The following PTPRK variants were observed in gnomAD, a reference collection of about 807,000 sequenced individuals.
The protein encoded by PTPRK is protein tyrosine phosphatase receptor type K.
In PTPRK, 75 loss-of-function variants were observed where a neutral mutation model predicts 178.0. That is an observed-to-expected ratio of 0.42 (90% CI 0.35 to 0.51). The LOEUF is 0.51. Ranked by LOEUF, PTPRK falls within the 20% of genes least tolerant of loss-of-function variation. The pLI, the probability that PTPRK is intolerant of heterozygous loss-of-function variation, is 0.02. For missense variants in PTPRK, 1,441 were observed against 1,797.8 expected, an observed-to-expected ratio of 0.80 and a Z score of 3.59; for synonymous variants, 637 against 620.6, an observed-to-expected ratio of 1.03 and a Z score of -0.39.
chr6:128,434,428 C>G (rs1202255716), intron 1 of PTPRK, among the ~76,000 whole-genome samples: 1 of 152,084 alleles, frequency 6.6e-6, no homozygotes, highest in African/African-American at 2.4e-5. Flanking sequence ...ATACACAACA[C>G]CCGGGGCAAT....
At chr6:128,489,403 C>A (rs917040943) in intron 1 of PTPRK, among the ~76,000 whole-genome samples, 3 of 152,110 alleles carry the variant, frequency 2.0e-5, no homozygotes, top group Non-Finnish European at 4.4e-5. Flanking sequence ...TGGTAAGAGT[C>A]CTGCACACAG....
chr6:128,329,771 C>A (rs532674448), intron 2 of PTPRK, among the ~76,000 whole-genome samples: 2 of 146,302 alleles, frequency 1.4e-5, no homozygotes, highest in South Asian at 2.2e-4. Flanking sequence ...TTAATCACAT[C>A]CAGAAACATA....
chr6:128,072,442 T>C (rs1295424823), intron 11 of PTPRK, among the ~76,000 whole-genome samples: 3 of 151,970 alleles, frequency 2.0e-5, no homozygotes, highest in African/African-American at 7.2e-5. Flanking sequence ...TAGCTTATAG[T>C]TGGCAAAATC....
rs1020471532 is a variant in PTPRK, at chr6:128,479,215, C to G, written c.100+41044G>C. Reference sequence around the variant, plus strand: ...CTTTACTTCCCCAGCATCAATAAAACTGTATGATTCTGGTGCAAAGTTATT... The same window carrying G: ...CTTTACTTCCCCAGCATCAATAAAAGTGTATGATTCTGGTGCAAAGTTATT... On this transcript the variant is annotated intron_variant, in intron 1 of 29. Coordinates refer to ENST00000368226, the MANE Select transcript of PTPRK (RefSeq NM_002844.4). Among the ~76,000 whole-genome samples the G allele has an allele frequency of 2.0e-5, 3 of 152,182 alleles. 1 individual carries two copies. Among genetic ancestry groups the G allele is most frequent in the East Asian group, 1.9e-4 (1 of 5,182 alleles).
chr6:128,218,785 T>G (rs151155727), intron 6 of PTPRK, 137 bp downstream of exon 6: 1 of 823,996 alleles, frequency 1.2e-6, no homozygotes, highest in African/African-American at 1.7e-5. Context: ...TTCTGAGAAA[T>G]TGTATGATGA....
chr6:128,321,031 C>T (rs1363919953), intron 3 of PTPRK: 2 of 152,122 alleles, frequency 1.3e-5, no homozygotes, highest in African/African-American at 4.8e-5. Context: ...GAAAACTCAA[C>T]TCAAGACAAA....
chr6:128,201,412 G>C (rs1273183776), intron 6 of PTPRK, among the ~76,000 whole-genome samples: 1 of 152,238 alleles, frequency 6.6e-6, no homozygotes, highest in Admixed American at 6.5e-5. Context: ...ATGCACATGT[G>C]AGTGTGCATG....
At chr6:128,266,479 T>C (rs547798098) in intron 3 of PTPRK, among the ~76,000 whole-genome samples, 1 of 152,196 alleles carries the variant, frequency 6.6e-6, no homozygotes, top group East Asian at 1.9e-4. Context: ...TTACGTGCAA[T>C]TTGCTAAGAA....
intron 6 of PTPRK, among the ~76,000 whole-genome samples, chr6:128,191,141 G>A (rs1248960378): frequency 6.6e-6 from 1 of 151,898 alleles, no homozygotes; most frequent in African/African-American, 2.4e-5. Context: ...GATAAAAGGG[G>A]AAAAAAGAAT....
At chr6:128,187,263 C>T (rs779052360) in intron 6 of PTPRK, among the ~76,000 whole-genome samples, 1 of 151,728 alleles carries the variant, frequency 6.6e-6, no homozygotes, top group Non-Finnish European at 1.5e-5. Flanking sequence ...ACATAAGAAA[C>T]AAGTGAAAGA....
intron 3 of PTPRK, among the ~76,000 whole-genome samples, chr6:128,313,360 G>A (rs1195681882): frequency 6.6e-6 from 1 of 152,012 alleles, no homozygotes; most frequent in East Asian, 1.9e-4. Flanking sequence ...TTAAAAGAGG[G>A]CCTATAATAC....
In PTPRK at chr6:128,155,025, C is replaced by A. The variant is rs553148608; in HGVS notation, c.1162+29407G>T. Among the ~76,000 whole-genome samples the A allele has an allele frequency of 4.0e-5, 6 of 151,810 alleles. No homozygotes were observed. In the South Asian group the frequency reaches 1.2e-3, roughly 32 times the overall value. ...TCTCTCCTCTCCCATTCTCACACAG[C>A]ACTTGGGTGATTAAAGAAACCTGAA... On this transcript the variant is annotated intron_variant, in intron 7 of 29. Transcript: ENST00000368226.
intron 18 of PTPRK, among the ~76,000 whole-genome samples, chr6:127,993,922 A>C (rs112471987): frequency 0.031 from 4,703 of 151,736 alleles, 247 homozygotes; most frequent in African/African-American, 0.11. Flanking sequence ...ACCATGAAAT[A>C]ATTTTATAAC....
intron 7 of PTPRK, among the ~76,000 whole-genome samples, chr6:128,112,487 A>G (rs557088900): frequency 2.6e-5 from 4 of 152,266 alleles, no homozygotes; most frequent in African/African-American, 9.6e-5. Context: ...AGTAAATTAC[A>G]ATGAATTCTT....
chr6:128,471,364 TG>T (rs894054518), intron 1 of PTPRK, among the ~76,000 whole-genome samples: 4 of 151,194 alleles, frequency 2.6e-5, no homozygotes, highest in East Asian at 1.9e-4. Context: ...AGGAAATGAA[TG>T]GGGGGGAAAA....
At chr6:128,118,906 C>T (rs1356680553) in intron 7 of PTPRK, among the ~76,000 whole-genome samples, 1 of 152,190 alleles carries the variant, frequency 6.6e-6, no homozygotes, top group Non-Finnish European at 1.5e-5. Context: ...GTCTAAACTG[C>T]AATAGCACTT....
chr6:128,316,520 T>G (rs534228648), intron 3 of PTPRK, among the ~76,000 whole-genome samples: 3 of 152,284 alleles, frequency 2.0e-5, no homozygotes, highest in Non-Finnish European at 4.4e-5. Context: ...TGTCACAGAT[T>G]TACATTAATT....
chr6:127,972,674 A>T (rs1774064938), intron 29 of PTPRK, among the ~76,000 whole-genome samples: 2 of 152,142 alleles, frequency 1.3e-5, no homozygotes, highest in Admixed American at 6.5e-5. Flanking sequence ...TACTGATGAA[A>T]CCTATATCCC....
intron 2 of PTPRK, among the ~76,000 whole-genome samples, chr6:128,341,022 A>G (rs1253512055): frequency 6.6e-6 from 1 of 152,196 alleles, no homozygotes; most frequent in African/African-American, 2.4e-5. Context: ...TAATATGTAC[A>G]AAATCAGGAA....
Sources: gnomAD v4.1 joint callset for allele counts (sites outside exome capture counted in the v4.1 genomes callset) on GRCh38, gnomAD v4.1.1 for gene constraint, MANE v1.5 for transcripts, NCBI Gene and HGNC (gene_info 2026-07-23, HGNC 2026-07-21) for gene names.